CARMIL1: variants seen among roughly 807,000 people sequenced by gnomAD.
The protein encoded by CARMIL1 is F-actin-uncapping protein LRRC16A.
CARMIL1 carries 90 observed loss-of-function variants against 177.1 expected under a neutral mutation model. That is an observed-to-expected ratio of 0.51 (90% CI 0.43 to 0.61). The LOEUF (loss-of-function observed/expected upper bound fraction) is 0.61. CARMIL1 is among the 20% of genes least tolerant of loss of function. The pLI is 0.00. For synonymous variants in CARMIL1, 577 were observed against 606.2 expected (o/e 0.95, Z 0.71); for missense variants, 1,380 against 1,667.0 (o/e 0.83, Z 3.00).
chr6:25,280,294 T>C (rs1780972094), intron 1 of CARMIL1, among the ~76,000 whole-genome samples: 1 of 152,146 alleles, frequency 6.6e-6, no homozygotes, highest in Non-Finnish European at 1.5e-5. Flanking sequence ...CCGGCACGTG[T>C]CAGGCGCTTT....
At chr6:25,439,947 A>T (rs1797585311) in intron 5 of CARMIL1, among the ~76,000 whole-genome samples, 1 of 152,208 alleles carries the variant, frequency 6.6e-6, no homozygotes, top group Non-Finnish European at 1.5e-5. Context: ...TAAATCAGCA[A>T]TATCCTTGAG....
At chr6:25,335,136 A>G (rs539979323) in intron 2 of CARMIL1, among the ~76,000 whole-genome samples, 4 of 152,280 alleles carry the variant, frequency 2.6e-5, no homozygotes, top group African/African-American at 7.2e-5. Context: ...TCTTTCAATG[A>G]AGCGTAGGAA....
At chr6:25,342,481 T>TA (rs1174841414) in intron 2 of CARMIL1, among the ~76,000 whole-genome samples, 1 of 152,142 alleles carries the variant, frequency 6.6e-6, no homozygotes, top group Non-Finnish European at 1.5e-5. Flanking sequence ...CTACCTGGGT[T>TA]CAAATCCCAG....
chr6:25,584,603 T>A (rs78341453), intron 31 of CARMIL1, among the ~76,000 whole-genome samples: 1 of 151,844 alleles, frequency 6.6e-6, no homozygotes, highest in Non-Finnish European at 1.5e-5. Context: ...ATTTTTATGC[T>A]AAGTTTGATG....
intron 24 of CARMIL1, 102 bp from the exon 25 acceptor site, chr6:25,537,753 G>A: frequency 7.3e-7 from 1 of 1,374,828 alleles, no homozygotes; most frequent in Non-Finnish European, 9.9e-7. Context: ...TGCATTCTGT[G>A]GTTTGCTGAA....
chr6:25,574,541 A>G (rs1224414847), intron 29 of CARMIL1, among the ~76,000 whole-genome samples: 1 of 152,222 alleles, frequency 6.6e-6, no homozygotes, highest in Non-Finnish European at 1.5e-5. Context: ...ACCACTACTA[A>G]CAATCTCAAG....
chr6:25,414,073 T>C (rs752575863), intron 2 of CARMIL1, among the ~76,000 whole-genome samples: 15 of 152,190 alleles, frequency 9.9e-5, no homozygotes, highest in Non-Finnish European at 2.2e-4. Flanking sequence ...GGGTAGGGCT[T>C]TATCTGCATT....
intron 2 of CARMIL1, among the ~76,000 whole-genome samples, chr6:25,354,923 G>A (rs1788437362): frequency 6.6e-6 from 1 of 152,136 alleles, no homozygotes; most frequent in Non-Finnish European, 1.5e-5. Context: ...GCTGACCTGA[G>A]AGTCACCTGG....
At chr6:25,381,781 C>G (rs1017301429) in intron 2 of CARMIL1, among the ~76,000 whole-genome samples, 1 of 152,130 alleles carries the variant, frequency 6.6e-6, no homozygotes, top group African/African-American at 2.4e-5. Context: ...GGTTTTATGG[C>G]GTTTCCATTA....
chr6:25,282,057 G>A (rs1207379102), intron 1 of CARMIL1, among the ~76,000 whole-genome samples: 1 of 147,096 alleles, frequency 6.8e-6, no homozygotes, highest in Non-Finnish European at 1.5e-5. Context: ...GGAGGTTGCC[G>A]TAAGCCGAGA....
At chr6:25,351,102 T>C (rs1464088668) in intron 2 of CARMIL1, among the ~76,000 whole-genome samples, 2 of 152,210 alleles carry the variant, frequency 1.3e-5, no homozygotes, top group Non-Finnish European at 2.9e-5. Flanking sequence ...TAGATCTTTG[T>C]GGCCCTCTAT....
intron 2 of CARMIL1, among the ~76,000 whole-genome samples, chr6:25,340,803 T>C (rs1342512116): frequency 7.0e-6 from 1 of 142,322 alleles, no homozygotes; most frequent in Non-Finnish European, 1.5e-5. Context: ...TTTTTTTTTT[T>C]TAAGTCGTGT....
intron 2 of CARMIL1, among the ~76,000 whole-genome samples, chr6:25,314,569 C>CATTCACACACATATATATGTATGTATAT (rs1784129320): frequency 6.6e-6 from 1 of 151,650 alleles, no homozygotes; most frequent in African/African-American, 2.4e-5. Flanking sequence ...TGTATGTATA[C>CATTCACACACATATATATGTATGTATAT]ATTCACACAT....
intron 29 of CARMIL1, 37 bp downstream of exon 29, chr6:25,556,887 C>A: frequency 1.3e-6 from 2 of 1,580,070 alleles, no homozygotes; most frequent in South Asian, 1.1e-5. Flanking sequence ...TTACCCTTTT[C>A]ACTGGACTGT....
chr6:25,583,175 C>T (rs912497480), intron 31 of CARMIL1, among the ~76,000 whole-genome samples: 1 of 152,150 alleles, frequency 6.6e-6, no homozygotes, highest in African/African-American at 2.4e-5. Flanking sequence ...ACTAAGTGCT[C>T]CCAGGTTATT....
At chr6:25,498,288 A>G (rs1803942425) in intron 16 of CARMIL1, among the ~76,000 whole-genome samples, 1 of 152,230 alleles carries the variant, frequency 6.6e-6, no homozygotes, top group Admixed American at 6.5e-5. Context: ...ATTTTGCAAT[A>G]GTGATTGAGG....
intron 3 of CARMIL1, among the ~76,000 whole-genome samples, chr6:25,424,223 C>T (rs148438006): frequency 6.6e-4 from 100 of 152,222 alleles, no homozygotes; most frequent in Middle Eastern, 6.8e-3. Flanking sequence ...GATGCCTTTG[C>T]GAATTCTTTT....
At chr6:25,336,195 T>C (rs1160725150) in intron 2 of CARMIL1, among the ~76,000 whole-genome samples, 2 of 152,138 alleles carry the variant, frequency 1.3e-5, no homozygotes, top group Non-Finnish European at 2.9e-5. Flanking sequence ...CTGTTTCTCC[T>C]CTCCTGTTTG....
At chr6:25,459,090 GT>G (rs1359708403) in intron 8 of CARMIL1, among the ~76,000 whole-genome samples, 5 of 151,748 alleles carry the variant, frequency 3.3e-5, no homozygotes, top group Non-Finnish European at 5.9e-5. Flanking sequence ...TATTTTATCA[GT>G]TTTATGATGG....
Sources: allele counts gnomAD v4.1 joint callset (sites outside exome capture counted in the v4.1 genomes callset), GRCh38; gene constraint gnomAD v4.1.1; transcripts MANE v1.5; gene names NCBI Gene and HGNC (gene_info 2026-07-23, HGNC 2026-07-21).